SH3GLB2: variants seen among roughly 807,000 people sequenced by gnomAD.
SH3GLB2 encodes SH3 domain containing GRB2 like, endophilin B2.
In SH3GLB2, 24 loss-of-function variants were observed where a neutral mutation model predicts 48.0. The observed-to-expected ratio is 0.50, with a 90% CI of 0.36 to 0.70. The LOEUF (loss-of-function observed/expected upper bound fraction) is 0.70. Among genes scored for constraint, SH3GLB2 ranks in the 30% least tolerant of loss-of-function variants. SH3GLB2 has a pLI of 0.00. For synonymous variants in SH3GLB2, 227 were observed against 207.6 expected, an observed-to-expected ratio of 1.09 and a Z score of -0.80; for missense variants, 425 against 516.0, an observed-to-expected ratio of 0.82 and a Z score of 1.71.
intron 9 of SH3GLB2, 54 bp from the exon 10 acceptor site, chr9:129,009,400 G>A (rs1433431114): frequency 6.4e-6 from 10 of 1,550,516 alleles, no homozygotes; most frequent in East Asian, 2.4e-5. Flanking sequence ...GGACCCCAGA[G>A]GCAAACTCCC....
At chr9:129,026,253 G>A (rs991705691) in intron 1 of SH3GLB2, among the ~76,000 whole-genome samples, 2 of 152,004 alleles carry the variant, frequency 1.3e-5, no homozygotes, top group African/African-American at 2.4e-5. Flanking sequence ...GTACCTGCAG[G>A]GACTGGGAGG....
intron 5 of SH3GLB2, chr9:129,013,043 G>A (rs1843214703): frequency 1.3e-6 from 2 of 1,551,064 alleles, no homozygotes; most frequent in South Asian, 2.4e-5. Context: ...CCCAAAGCAG[G>A]ACGGAAAGGA....
chr9:129,015,186 A>C (rs532167687), intron 3 of SH3GLB2, among the ~76,000 whole-genome samples: 27 of 152,268 alleles, frequency 1.8e-4, no homozygotes, highest in African/African-American at 6.3e-4. Flanking sequence ...ATCCCCTCCC[A>C]AAAAAAGTAA....
chr9:129,021,231 C>G lies in SH3GLB2; in HGVS notation c.206-12G>C. On this transcript the variant is annotated splice_polypyrimidine_tract_variant and intron_variant, in intron 2 of 10. Transcript: ENST00000372564. ...CTCCACTCGGGCACCTGTGGGGAGA[C>G]AGCAGCCAAAGCCACAGGGCTCCTT... The G allele has an allele frequency of 6.3e-7, 1 of 1,594,402 alleles. No homozygotes were observed. The highest frequency in any genetic ancestry group is 8.5e-7 in the Non-Finnish European group (1 of 1,171,966).
chr9:129,026,421 GC>G, intron 1 of SH3GLB2, among the ~76,000 whole-genome samples: 1 of 152,186 alleles, frequency 6.6e-6, no homozygotes, highest in Non-Finnish European at 1.5e-5. Context: ...CTGCCACTCT[GC>G]CCCAATCCTG....
rs555460623 is a variant in SH3GLB2, at chr9:129,011,992, C to A, written c.624+244G>T. On this transcript the variant is annotated intron_variant, in intron 6 of 10. Coordinates refer to ENST00000372564, the MANE Select transcript of SH3GLB2 (RefSeq NM_020145.4). The surrounding 1 kb of genome is among the most constrained non-coding windows in gnomAD (Gnocchi z 4.5). ...CACTACTCAGTGTGGCTGGCCCTGC[C>A]GCCAGCTCCAGCGTTTTGCAGAGGG... 4.1e-5 allele frequency: 16 copies of A among 389,516 alleles called. No homozygotes were observed. In the Admixed American group the frequency reaches 6.7e-4, roughly 16 times the overall value. 24.1% of individuals were successfully genotyped at this position (389,516 alleles called of 1,614,324 possible).
intron 3 of SH3GLB2, among the ~76,000 whole-genome samples, chr9:129,019,392 A>C (rs1843639912): frequency 6.6e-6 from 1 of 150,840 alleles, no homozygotes; most frequent in Admixed American, 6.6e-5. Context: ...TGTCTCAAAA[A>C]AGGTAACAGA....
At position 129,028,250 on chromosome 9, in the gene SH3GLB2, G is replaced by GT; in HGVS notation, c.-97_-96insA. Reference sequence around the variant, plus strand: ...ACCGCACCCCGCCCACCTGCTGCGGGGCACCAGCCCTCCGCGCACCCGCCT... The same window carrying GT: ...ACCGCACCCCGCCCACCTGCTGCGGGTGCACCAGCCCTCCGCGCACCCGCCT... On this transcript the variant is annotated 5_prime_UTR_variant, in exon 1 of 11. Coordinates refer to ENST00000372564, the MANE Select transcript of SH3GLB2 (RefSeq NM_020145.4). The GT allele has an allele frequency of 1.2e-6, 1 of 844,320 alleles. No individual in the cohort carries two copies. Among genetic ancestry groups the GT allele is most frequent in the Non-Finnish European group, 1.4e-6 (1 of 694,276 alleles). 52.3% of individuals were successfully genotyped at this position (844,320 alleles called of 1,614,324 possible).
At position 129,008,752 on chromosome 9, in the gene SH3GLB2, AG is replaced by A. The variant is rs777476339; in HGVS notation, c.1119del (p.Trp374GlyfsTer70). The A allele has an allele frequency of 6.2e-7, 1 of 1,614,138 alleles. No homozygotes were observed. The highest frequency in any genetic ancestry group is 8.5e-7 in the Non-Finnish European group (1 of 1,179,996). On this transcript the variant is annotated frameshift_variant, in exon 11 of 11. Coordinates refer to ENST00000372564, the MANE Select transcript of SH3GLB2 (RefSeq NM_020145.4). LOFTEE classifies it high-confidence loss of function. ...TVYSLPGMDPDWLIGERGNKK... is the reference protein window; with the variant it reads ...TVYSLPGMDPXWLIGERGNKK... ...TTGTTGCCTCTCTCGCCAATGAGCC[AG>A]TCAGGGTCCATGCCAGGCAGGCTGT...
rs1026935863 is a variant in SH3GLB2, at chr9:129,028,263, C to G, written c.-109G>C. The G allele has an allele frequency of 8.4e-5, 58 of 688,574 alleles. No homozygotes were observed. The Admixed American group carries it at 1.8e-3, about 22-fold the overall frequency. 42.7% of individuals were successfully genotyped at this position (688,574 alleles called of 1,614,324 possible). On this transcript the variant is annotated 5_prime_UTR_variant, in exon 1 of 11. Coordinates refer to ENST00000372564, the MANE Select transcript of SH3GLB2 (RefSeq NM_020145.4). Reference sequence around the variant, plus strand: ...CACCTGCTGCGGGGCACCAGCCCTCCGCGCACCCGCCTGCCGGCCTGCCCG... The same window carrying G: ...CACCTGCTGCGGGGCACCAGCCCTCGGCGCACCCGCCTGCCGGCCTGCCCG...
chr9:129,010,415 C>T, intron 7 of SH3GLB2: 1 of 638,632 alleles, frequency 1.6e-6, no homozygotes, highest in African/African-American at 1.8e-5. Flanking sequence ...GCTGCAGTGA[C>T]AGACCCTTCC....
chr9:129,022,470 A>C (rs1389300536), intron 1 of SH3GLB2, 47 bp from the exon 2 acceptor site: 48 of 970,262 alleles, frequency 4.9e-5, no homozygotes, highest in Non-Finnish European at 6.0e-5. Flanking sequence ...AGAGCTCAGA[A>C]GGAGGTGGGG....
chr9:129,019,086 T>A (rs1334389786), intron 3 of SH3GLB2, among the ~76,000 whole-genome samples: 1 of 148,172 alleles, frequency 6.7e-6, no homozygotes, highest in Non-Finnish European at 1.5e-5. Context: ...GATGGAAATG[T>A]TCTTTAAATT....
Position 129,008,484 on chromosome 9 carries a change from A to T in SH3GLB2, c.*200T>A, listed in dbSNP as rs889380862. On this transcript the variant is annotated 3_prime_UTR_variant, in exon 11 of 11. Coordinates refer to ENST00000372564, the MANE Select transcript of SH3GLB2 (RefSeq NM_020145.4). ...GCAGGGGCAGGGGCTCCAGAGCCACAGGTCAGAAGCAGGGCTGGGGGAGGG... is the reference window on the plus strand; with the variant it reads ...GCAGGGGCAGGGGCTCCAGAGCCACTGGTCAGAAGCAGGGCTGGGGGAGGG... 10 of 535,470 alleles carry T rather than the reference A, an allele frequency of 1.9e-5. No individual in the cohort carries two copies. Among genetic ancestry groups the T allele is most frequent in the Admixed American group, 3.0e-5 (1 of 33,060 alleles). 33.2% of individuals were successfully genotyped at this position (535,470 alleles called of 1,614,324 possible). A position where few individuals can be genotyped will look rare whatever the true frequency, so the allele number is the denominator to read the frequency against.
intron 2 of SH3GLB2, among the ~76,000 whole-genome samples, 185 bp from the exon 3 acceptor site, chr9:129,021,404 C>G (rs1457217306): frequency 6.6e-6 from 1 of 152,172 alleles, no homozygotes; most frequent in African/African-American, 2.4e-5. Context: ...GAGGAGGAAG[C>G]CAGGGCCCGT....
rs895531285 is a variant in SH3GLB2 at position 129,011,385 on chromosome 9, C to T, written c.625-692G>A. On this transcript the variant is annotated intron_variant, in intron 6 of 10. Coordinates refer to ENST00000372564, the MANE Select transcript of SH3GLB2 (RefSeq NM_020145.4). This position sits in a 1 kb window ranked among gnomAD's most constrained non-coding sequence, Gnocchi z 4.5. ...TGCTTAGGAAGTCCCCGTCCAGGAG[C>T]ACTGGAAGTTGCTGTGAGAGCCAAC... 7 of 152,278 alleles carry T rather than the reference C, an allele frequency of 4.6e-5. No individual in the cohort carries two copies. The highest frequency in any genetic ancestry group is 1.4e-4 in the African/African-American group (6 of 41,428). 9.4% of individuals were successfully genotyped at this position (152,278 alleles called of 1,614,324 possible).
chr9:129,015,423 T>C (rs1239355800), intron 3 of SH3GLB2, among the ~76,000 whole-genome samples: 2 of 152,054 alleles, frequency 1.3e-5, no homozygotes, highest in African/African-American at 4.8e-5. Context: ...AAAAAACAAA[T>C]TGAAAAGCAT....
intron 1 of SH3GLB2, among the ~76,000 whole-genome samples, chr9:129,024,798 A>G (rs36068483): frequency 0.098 from 14,678 of 149,884 alleles, 853 homozygotes; most frequent in African/African-American, 0.17. Flanking sequence ...GTGAAACCCC[A>G]TCTCTACTAA....
In SH3GLB2 at chr9:129,009,622, CAT is replaced by C. The variant is rs528684969; in HGVS notation, c.839+147_839+148del. ...AGGCCAGCCACTCCACCCTCATACA[CAT>C]GAGATGCCCGCACCCAGAGTGGGTT... On this transcript the variant is annotated intron_variant, in intron 9 of 10. Transcript: ENST00000372564. 5.0e-3 allele frequency: 7,064 copies of C among 1,399,652 alleles called. 55 individuals are homozygous for C. The highest frequency in any genetic ancestry group is 0.024 in the South Asian group (1,919 of 78,650). The allele number at this position is 1,399,652 out of a possible 1,614,324, so 86.7% of individuals were successfully genotyped here.
Sources: gnomAD v4.1 joint callset for allele counts (sites outside exome capture counted in the v4.1 genomes callset) on GRCh38, gnomAD v4.1.1 for gene constraint, Gnocchi (gnomAD v3.1) non-coding constraint, MANE v1.5 for transcripts, NCBI Gene and HGNC (gene_info 2026-07-23, HGNC 2026-07-21) for gene names.